NKAIN3: variants seen among roughly 807,000 people sequenced by gnomAD.
NKAIN3 encodes sodium/potassium-transporting ATPase subunit beta-1-interacting protein 3.
Under a neutral mutation model 30.2 loss-of-function variants are expected in NKAIN3, and 25 were observed. The ratio of observed to expected loss-of-function variants is 0.83; its 90% CI spans 0.60 to 1.16. The LOEUF (loss-of-function observed/expected upper bound fraction) is 1.16. Among genes scored for constraint, NKAIN3 ranks in the 50% most tolerant of loss-of-function variants. The pLI is 0.00. For synonymous variants in NKAIN3, 91 were observed against 89.6 expected (o/e 1.02, Z -0.09); for missense variants, 225 against 254.1 (o/e 0.89, Z 0.78).
chr8:62,568,985 T>G (rs1201838094), intron 1 of NKAIN3, among the ~76,000 whole-genome samples: 1 of 152,142 alleles, frequency 6.6e-6, no homozygotes, highest in Admixed American at 6.5e-5. Context: ...TAAGCACTAA[T>G]GATCATTCAG....
At chr8:62,741,620 C>A (rs1357486385) in intron 3 of NKAIN3, among the ~76,000 whole-genome samples, 2 of 152,188 alleles carry the variant, frequency 1.3e-5, no homozygotes, top group East Asian at 3.8e-4. Flanking sequence ...CTGTAAACAA[C>A]TACCTCAGCC....
intron 4 of NKAIN3, among the ~76,000 whole-genome samples, chr8:62,877,660 T>C (rs1820840625): frequency 6.6e-6 from 1 of 152,232 alleles, no homozygotes; most frequent in South Asian, 2.1e-4. Context: ...TATTTTTATT[T>C]TCACAACACA....
intron 1 of NKAIN3, among the ~76,000 whole-genome samples, chr8:62,326,829 C>G (rs1313330932): frequency 6.6e-6 from 1 of 151,912 alleles, no homozygotes; most frequent in Non-Finnish European, 1.5e-5. Context: ...AGTGGAATTG[C>G]TGGGTCATAT....
chr8:62,352,320 G>A (rs538393521), intron 1 of NKAIN3, among the ~76,000 whole-genome samples: 1 of 152,148 alleles, frequency 6.6e-6, no homozygotes, highest in Non-Finnish European at 1.5e-5. Context: ...CCTTGCTGAA[G>A]CTCCTGAGAG....
At chr8:62,759,120 C>T (rs1216318864) in intron 4 of NKAIN3, among the ~76,000 whole-genome samples, 1 of 152,078 alleles carries the variant, frequency 6.6e-6, no homozygotes, top group Non-Finnish European at 1.5e-5. Context: ...AACCATAAAA[C>T]AATAACCACA....
intron 1 of NKAIN3, among the ~76,000 whole-genome samples, chr8:62,317,502 A>G (rs1218790573): frequency 6.6e-6 from 1 of 152,214 alleles, no homozygotes; most frequent in African/African-American, 2.4e-5. Context: ...ATGGCTAGCC[A>G]GTTTTCCCAG....
intron 6 of NKAIN3, among the ~76,000 whole-genome samples, chr8:62,963,092 CATT>C (rs1823616636): frequency 1.3e-5 from 2 of 152,078 alleles, no homozygotes; most frequent in African/African-American, 4.8e-5. Flanking sequence ...GGGGTTTCAC[CATT>C]TTGGTCAGGC....
chr8:62,985,604 C>A (rs1824185527), downstream of NKAIN3, among the ~76,000 whole-genome samples: 2 of 152,204 alleles, frequency 1.3e-5, no homozygotes, highest in Admixed American at 1.3e-4. Context: ...TAAAAGAACA[C>A]TTTATTCTTT....
intron 1 of NKAIN3, among the ~76,000 whole-genome samples, chr8:62,251,201 A>G (rs2129385913): frequency 6.6e-6 from 1 of 152,298 alleles, no homozygotes; most frequent in South Asian, 2.1e-4. Context: ...ATATTCATAA[A>G]CAGTTTTTCC....
chr8:62,900,561 C>T (rs1026039033), intron 4 of NKAIN3, among the ~76,000 whole-genome samples: 2 of 152,148 alleles, frequency 1.3e-5, no homozygotes, highest in Non-Finnish European at 2.9e-5. Context: ...TCAATTTTCT[C>T]ATACATAGAA....
intron 4 of NKAIN3, among the ~76,000 whole-genome samples, chr8:62,816,382 G>A (rs1253551281): frequency 6.6e-6 from 1 of 152,160 alleles, no homozygotes; most frequent in African/African-American, 2.4e-5. Context: ...AGTTGTGCTG[G>A]TTCTTGGGTT....
chr8:62,877,323 C>G (rs1300744497), intron 4 of NKAIN3, among the ~76,000 whole-genome samples: 1 of 152,218 alleles, frequency 6.6e-6, no homozygotes, highest in Non-Finnish European at 1.5e-5. Context: ...GCACCCAAAG[C>G]TAGGGGCAGC....
chr8:62,438,592 C>T (rs911459409), intron 1 of NKAIN3, among the ~76,000 whole-genome samples: 8 of 152,200 alleles, frequency 5.3e-5, no homozygotes, highest in African/African-American at 1.9e-4. Flanking sequence ...GAAGGAGGCT[C>T]ACTCTGTCAT....
chr8:62,623,959 G>A (rs1811707849), intron 3 of NKAIN3, among the ~76,000 whole-genome samples: 1 of 152,076 alleles, frequency 6.6e-6, no homozygotes, highest in Non-Finnish European at 1.5e-5. Context: ...TTATTCATGA[G>A]TTTTCCAGGA....
At chr8:62,869,330 C>T (rs1001389044) in intron 4 of NKAIN3, among the ~76,000 whole-genome samples, 1 of 152,016 alleles carries the variant, frequency 6.6e-6, no homozygotes, top group African/African-American at 2.4e-5. Context: ...CCCGGCGCCC[C>T]CCGCCCCCTG....
At chr8:62,545,367 T>C (rs1251912584) in intron 1 of NKAIN3, among the ~76,000 whole-genome samples, 1 of 152,072 alleles carries the variant, frequency 6.6e-6, no homozygotes, top group African/African-American at 2.4e-5. Context: ...TGGTGGATCA[T>C]TTGAGGCCAG....
At chr8:62,436,748 G>A (rs745563326) in intron 1 of NKAIN3, among the ~76,000 whole-genome samples, 9 of 152,074 alleles carry the variant, frequency 5.9e-5, no homozygotes, top group Admixed American at 2.6e-4. Flanking sequence ...ATGCATTACG[G>A]AATCAGACAT....
chr8:62,802,476 T>TAGAAA (rs1818103282), intron 4 of NKAIN3, among the ~76,000 whole-genome samples: 1 of 149,168 alleles, frequency 6.7e-6, no homozygotes, highest in Non-Finnish European at 1.5e-5. Flanking sequence ...AACATTCTTA[T>TAGAAA]AGAATTTTCA....
chr8:62,303,485 C>T (rs983824777), intron 1 of NKAIN3, among the ~76,000 whole-genome samples: 4 of 150,570 alleles, frequency 2.7e-5, no homozygotes, highest in East Asian at 1.9e-4. Context: ...AATAGATTGT[C>T]TTAAAATGAA....
Sources: allele counts gnomAD v4.1 joint callset (sites outside exome capture counted in the v4.1 genomes callset), GRCh38; gene constraint gnomAD v4.1.1; transcripts MANE v1.5; gene names NCBI Gene and HGNC (gene_info 2026-07-23, HGNC 2026-07-21).